Variants in ST3GAL5 observed in about 807,000 individuals in gnomAD.
ST3GAL5 encodes lactosylceramide alpha-2,3-sialyltransferase.
A neutral mutation model predicts 46.1 loss-of-function variants in ST3GAL5; 25 were observed. The observed-to-expected ratio is 0.54, with a 90% CI of 0.40 to 0.76. The LOEUF (loss-of-function observed/expected upper bound fraction) is 0.76, where lower values mean the gene tolerates loss of function less well. ST3GAL5 is among the 30% of genes least tolerant of loss of function. ST3GAL5 has a pLI of 0.00. For synonymous variants in ST3GAL5, 182 were observed against 192.7 expected, an observed-to-expected ratio of 0.94 and a Z score of 0.46; for missense variants, 431 against 521.2, an observed-to-expected ratio of 0.83 and a Z score of 1.69.
At chr2:85,861,645 TAAAAAAAAAA>T (rs3046643) in intron 2 of ST3GAL5, among the ~76,000 whole-genome samples, 1 of 123,802 alleles carries the variant, frequency 8.1e-6, no homozygotes, top group Non-Finnish European at 1.6e-5. Flanking sequence ...TGTCAGTCCT[TAAAAAAAAAA>T]AAAAAAAAGA....
At chr2:85,850,341 C>T (rs1045224927) in intron 3 of ST3GAL5, 3 of 152,270 alleles carry the variant, frequency 2.0e-5, no homozygotes, top group African/African-American at 7.2e-5. Flanking sequence ...AACCTGGCTC[C>T]TAAAACAACA....
At position 85,871,236 on chromosome 2, in the gene ST3GAL5, C is replaced by T. The variant is rs59757945; in HGVS notation, c.83-7751G>A. Among the ~76,000 whole-genome samples the T allele has an allele frequency of 4.6e-3, 700 of 152,218 alleles. 40 individuals carry two copies. The East Asian group carries it at 0.11, about 24-fold the overall frequency. On this transcript the variant is annotated intron_variant, in intron 1 of 6. Coordinates refer to ENST00000638572, the MANE Select transcript of ST3GAL5 (RefSeq NM_003896.4). The stretch of plus-strand genomic sequence containing the variant: ...AATTTTTAGTAGAGACGAGGTCTCA[C>T]TATGCTGCCAAGGCTCATTTATCAT...
At chr2:85,886,277 TA>T (rs1161497595) in intron 1 of ST3GAL5, among the ~76,000 whole-genome samples, 3 of 152,086 alleles carry the variant, frequency 2.0e-5, no homozygotes, top group Non-Finnish European at 4.4e-5. Context: ...CAAAATAAAA[TA>T]AAACAAATTA....
intron 1 of ST3GAL5, chr2:85,869,960 A>G: frequency 5.9e-6 from 2 of 338,484 alleles, no homozygotes; most frequent in South Asian, 4.8e-5. Context: ...ACACACACGC[A>G]CACATAGCCT....
chr2:85,847,441 C>T, intron 4 of ST3GAL5: 1 of 1,011,058 alleles, frequency 9.9e-7, no homozygotes, highest in Non-Finnish European at 1.2e-6. Flanking sequence ...AGCATCCAAC[C>T]ATTTTGTGTT....
At chr2:85,851,363 A>C in intron 3 of ST3GAL5, 1 of 1,176,960 alleles carries the variant, frequency 8.5e-7, no homozygotes, top group Non-Finnish European at 1.1e-6. Flanking sequence ...AGCCACAGCA[A>C]TTCCTTGTCC....
intron 1 of ST3GAL5, among the ~76,000 whole-genome samples, chr2:85,867,198 A>G (rs1256222822): frequency 6.6e-6 from 1 of 152,184 alleles, no homozygotes; most frequent in East Asian, 1.9e-4. Flanking sequence ...TTACAGCACA[A>G]ACTACATGAA....
intron 3 of ST3GAL5, chr2:85,852,745 A>G: frequency 1.8e-6 from 1 of 549,274 alleles, no homozygotes; most frequent in Non-Finnish European, 2.9e-6. Context: ...ATCAACTGTT[A>G]GAAAAAAAAA....
At chr2:85,880,828 G>GAAA in intron 1 of ST3GAL5, 1 of 457,144 alleles carries the variant, frequency 2.2e-6, no homozygotes, top group Non-Finnish European at 4.3e-6. Context: ...TGTCTAAAAA[G>GAAA]AAAAAAAAAA....
At chr2:85,847,685 C>T in intron 4 of ST3GAL5, 176 bp downstream of exon 4, 1 of 1,301,980 alleles carries the variant, frequency 7.7e-7, no homozygotes, top group Non-Finnish European at 1.0e-6. Flanking sequence ...GTCCCAGCTA[C>T]TGGGGAGGCT....
At chr2:85,885,913 C>A (rs1254353124) in intron 1 of ST3GAL5, among the ~76,000 whole-genome samples, 2 of 152,042 alleles carry the variant, frequency 1.3e-5, no homozygotes, top group Non-Finnish European at 1.5e-5. Context: ...ATGGACCTAT[C>A]AGAAATGCAG....
intron 1 of ST3GAL5, among the ~76,000 whole-genome samples, chr2:85,873,051 A>G (rs937374791): frequency 6.6e-6 from 1 of 152,168 alleles, no homozygotes; most frequent in Non-Finnish European, 1.5e-5. Context: ...GTCCTGCCCC[A>G]AGGTGGGGCT....
At chr2:85,864,156 T>A (rs1469746044) in intron 1 of ST3GAL5, among the ~76,000 whole-genome samples, 1 of 152,200 alleles carries the variant, frequency 6.6e-6, no homozygotes, top group Non-Finnish European at 1.5e-5. Flanking sequence ...TTCTACATCT[T>A]GACTGTATCC....
At position 85,888,968 on chromosome 2, in the gene ST3GAL5, G is replaced by A. The variant is rs1164629639; in HGVS notation, c.-63C>T. Reference sequence around the variant, plus strand: ...CCCCGCGCCCCCACCCGCCCCCAGCGCCGCTCTCGCGCCCATTCAGCTGGG... The same window carrying A: ...CCCCGCGCCCCCACCCGCCCCCAGCACCGCTCTCGCGCCCATTCAGCTGGG... On this transcript the variant is annotated 5_prime_UTR_variant, in exon 1 of 7. Transcript: ENST00000638572. 1.7e-6 allele frequency: 2 copies of A among 1,204,116 alleles called. No homozygotes were observed. The highest frequency in any genetic ancestry group is 1.6e-5 in the African/African-American group (1 of 62,110). 74.6% of individuals were successfully genotyped at this position (1,204,116 alleles called of 1,614,324 possible). A position where few individuals can be genotyped will look rare whatever the true frequency, so the allele number is the denominator to read the frequency against.
At chr2:85,847,317 G>A (rs1682914276) in intron 4 of ST3GAL5, 2 of 958,714 alleles carry the variant, frequency 2.1e-6, no homozygotes, top group Non-Finnish European at 2.5e-6. Flanking sequence ...GTGGTCCTTT[G>A]CTGTTTTACT....
intron 6 of ST3GAL5, 135 bp from the exon 7 acceptor site, chr2:85,840,527 A>G: frequency 1.1e-6 from 1 of 924,936 alleles, no homozygotes; most frequent in East Asian, 2.6e-5. Context: ...ACATAATTTT[A>G]TACATCATGA....
intron 1 of ST3GAL5, among the ~76,000 whole-genome samples, chr2:85,880,692 C>T (rs973838478): frequency 3.3e-5 from 5 of 152,116 alleles, no homozygotes; most frequent in African/African-American, 7.2e-5. Context: ...GGCTTGGTGG[C>T]GTGCACCTGT....
chr2:85,846,849 G>A (rs1037657120), intron 4 of ST3GAL5: 2 of 320,202 alleles, frequency 6.2e-6, no homozygotes, highest in Non-Finnish European at 1.2e-5. Context: ...GACTTTCTCT[G>A]GGTGCCAGTA....
intron 1 of ST3GAL5, among the ~76,000 whole-genome samples, chr2:85,874,708 C>T (rs1686327496): frequency 1.3e-5 from 2 of 151,908 alleles, no homozygotes. Context: ...CTGCTGTAAT[C>T]CAGGAACCTA....
Sources: gnomAD v4.1 joint callset for allele counts (sites outside exome capture counted in the v4.1 genomes callset) on GRCh38, gnomAD v4.1.1 for gene constraint, MANE v1.5 for transcripts, NCBI Gene and HGNC (gene_info 2026-07-23, HGNC 2026-07-21) for gene names.